UBQLN1: variants seen among roughly 807,000 people sequenced by gnomAD.
UBQLN1 encodes ubiquilin 1.
In UBQLN1, 13 loss-of-function variants were observed where a neutral mutation model predicts 65.4. The observed-to-expected ratio is 0.20, with a 90% CI of 0.13 to 0.32. UBQLN1 has a LOEUF of 0.32. UBQLN1 is among the 10% of genes least tolerant of loss of function. UBQLN1 has a pLI of 1.00. For synonymous variants in UBQLN1, 267 were observed against 247.8 expected (o/e 1.08, Z -0.73); for missense variants, 561 against 724.0 (o/e 0.77, Z 2.58).
chr9:83,682,824 G>GT (rs545821772), intron 3 of UBQLN1, 127 bp downstream of exon 3: 154,410 of 407,516 alleles, frequency 0.38, 16,533 homozygotes, highest in East Asian at 0.61. Flanking sequence ...AGGAATGTAT[G>GT]TTTTTTTTTT....
chr9:83,682,824 G>GTTT (rs545821772), intron 3 of UBQLN1, 127 bp downstream of exon 3: 150 of 413,544 alleles, frequency 3.6e-4, no homozygotes, highest in East Asian at 9.7e-4. Context: ...AGGAATGTAT[G>GTTT]TTTTTTTTTT....
At chr9:83,694,853 T>A (rs1390060411) in intron 1 of UBQLN1, among the ~76,000 whole-genome samples, 1 of 152,210 alleles carries the variant, frequency 6.6e-6, no homozygotes, top group Non-Finnish European at 1.5e-5. Context: ...TTACACGATA[T>A]GTTAAAAATG....
intron 10 of UBQLN1, among the ~76,000 whole-genome samples, chr9:83,663,145 A>AAGGGAAAGGGGAAGAGGAAGG (rs1831589051): frequency 1.3e-5 from 2 of 151,378 alleles, no homozygotes; most frequent in Non-Finnish European, 3.0e-5. Context: ...GGAAAGGGAA[A>AAGGGAAAGGGGAAGAGGAAGG]AGGGAAAGGG....
chr9:83,678,315 C>T (rs1010414448), intron 5 of UBQLN1, 126 bp downstream of exon 5: 4 of 1,225,398 alleles, frequency 3.3e-6, no homozygotes, highest in Non-Finnish European at 4.5e-6. Flanking sequence ...GCCACTGCAC[C>T]CGGCCACTGA....
chr9:83,673,575 A>G (rs1181550736), intron 6 of UBQLN1, among the ~76,000 whole-genome samples: 1 of 81,050 alleles, frequency 1.2e-5, no homozygotes, highest in Non-Finnish European at 2.4e-5. Flanking sequence ...AAACAAAAAA[A>G]AAAAACTGCG....
At chr9:83,693,183 C>G (rs1832156628) in intron 1 of UBQLN1, among the ~76,000 whole-genome samples, 1 of 152,160 alleles carries the variant, frequency 6.6e-6, no homozygotes, top group Non-Finnish European at 1.5e-5. Flanking sequence ...CTTGAATAAG[C>G]AATGTAATGA....
rs539333471 is a variant in UBQLN1, at chr9:83,683,285, G to T, written c.333-219C>A. Among the ~76,000 whole-genome samples the T allele has an allele frequency of 6.4e-4, 98 of 152,188 alleles. 1 individual carries two copies. Among genetic ancestry groups the T allele is most frequent in the African/African-American group, 2.4e-3 (98 of 41,538 alleles). On this transcript the variant is annotated intron_variant, in intron 2 of 10. Coordinates refer to ENST00000376395, the MANE Select transcript of UBQLN1 (RefSeq NM_013438.5). ...AAATTAGCCGGGCGTGATGGCGAGT[G>T]CCTATAGTCCCAGCTACTTGGGAGG...
chr9:83,663,134 AG>A (rs1274474001), intron 10 of UBQLN1, among the ~76,000 whole-genome samples: 2 of 149,720 alleles, frequency 1.3e-5, no homozygotes, highest in Non-Finnish European at 3.0e-5. Context: ...GAAGGGGAAG[AG>A]GAAAGGGAAA....
intron 6 of UBQLN1, among the ~76,000 whole-genome samples, chr9:83,675,627 T>C (rs982297854): frequency 3.3e-5 from 5 of 152,252 alleles, no homozygotes; most frequent in African/African-American, 1.2e-4. Context: ...GAGGAGCTAC[T>C]ACCTTTCACT....
At position 83,707,886 on chromosome 9, in the gene UBQLN1, T is replaced by TGG; in HGVS notation, c.-208_-207insCC. On this transcript the variant is annotated 5_prime_UTR_variant, in exon 1 of 11. Coordinates refer to ENST00000376395, the MANE Select transcript of UBQLN1 (RefSeq NM_013438.5). ...TCTGGCGCAGGCCCGGGTCAGGCGC[T>TGG]CGGCAGCCGCCGTGTGTTCAGGCGC... 1.5e-6 allele frequency: 1 copy of TGG among 649,746 alleles called. No individual in the cohort carries two copies. Among genetic ancestry groups the TGG allele is most frequent in the Non-Finnish European group, 2.4e-6 (1 of 417,978 alleles). 40.2% of individuals were successfully genotyped at this position (649,746 alleles called of 1,614,324 possible).
intron 3 of UBQLN1, 112 bp downstream of exon 3, chr9:83,682,839 T>C (rs1291621241): frequency 2.0e-6 from 1 of 506,976 alleles, no homozygotes; most frequent in Admixed American, 3.5e-5. Flanking sequence ...TTTTTTTTAA[T>C]TTTTGTTGTT....
At chr9:83,664,955 G>GAAAAAAAAAAAA in intron 9 of UBQLN1, 75 bp downstream of exon 9, 1 of 656,408 alleles carries the variant, frequency 1.5e-6, no homozygotes, top group Non-Finnish European at 2.4e-6. Context: ...AAGGCAGGCA[G>GAAAAAAAAAAAA]AATAATACTA....
chr9:83,706,228 T>C (rs543052747), intron 1 of UBQLN1, among the ~76,000 whole-genome samples: 2 of 152,344 alleles, frequency 1.3e-5, no homozygotes, highest in African/African-American at 4.8e-5. Context: ...TTACTCTGAA[T>C]TGCTCCCCAA....
At chr9:83,668,526 ATC>A (rs1831678881) in intron 7 of UBQLN1, 1 of 985,276 alleles carries the variant, frequency 1.0e-6, no homozygotes, top group Non-Finnish European at 1.2e-6. Flanking sequence ...TTATCTCAAA[ATC>A]TCTAAGGATG....
intron 1 of UBQLN1, 127 bp downstream of exon 1, chr9:83,707,373 T>TGGGACGACGCCCGGGAGAATGGCCG: frequency 9.4e-7 from 1 of 1,068,838 alleles, no homozygotes; most frequent in African/African-American, 1.7e-5. Flanking sequence ...TGATCTAATT[T>TGGGACGACGCCCGGGAGAATGGCCG]GGGACGACGC....
chr9:83,677,349 G>C (rs976546292), intron 6 of UBQLN1, among the ~76,000 whole-genome samples: 1 of 152,178 alleles, frequency 6.6e-6, no homozygotes, highest in Non-Finnish European at 1.5e-5. Context: ...GATCACCTGA[G>C]GTCAGGAGTT....
rs1476139077 is a variant in UBQLN1, at chr9:83,660,497, A to G, written c.*1290T>C. ...AACAGAATTCTTTGGGGGAGGGAAG[A>G]AAAAGGCTATAAAACAGCCAAATGT... On this transcript the variant is annotated 3_prime_UTR_variant, in exon 11 of 11. Coordinates refer to ENST00000376395, the MANE Select transcript of UBQLN1 (RefSeq NM_013438.5). The G allele has an allele frequency of 1.3e-5, 2 of 152,640 alleles. No individual in the cohort carries two copies. Among genetic ancestry groups the G allele is most frequent in the Admixed American group, 6.5e-5 (1 of 15,286 alleles). The allele number at this position is 152,640 out of a possible 1,614,324, so 9.5% of individuals were successfully genotyped here.
At chr9:83,681,179 G>A (rs1245791493) in intron 3 of UBQLN1, among the ~76,000 whole-genome samples, 2 of 152,184 alleles carry the variant, frequency 1.3e-5, no homozygotes, top group Non-Finnish European at 2.9e-5. Flanking sequence ...GGGAATACCT[G>A]GAAATAGATT....
At chr9:83,668,652 A>C in intron 7 of UBQLN1, 2 of 985,186 alleles carry the variant, frequency 2.0e-6, no homozygotes, top group Non-Finnish European at 2.4e-6. Flanking sequence ...AAATTAGAAA[A>C]AGGAATACAT....
Sources: gnomAD v4.1 joint callset for allele counts (sites outside exome capture counted in the v4.1 genomes callset) on GRCh38, gnomAD v4.1.1 for gene constraint, MANE v1.5 for transcripts, NCBI Gene and HGNC (gene_info 2026-07-23, HGNC 2026-07-21) for gene names.